CNTNAP5: variants seen among roughly 807,000 people sequenced by gnomAD.
CNTNAP5 encodes the protein contactin associated protein family member 5.
A neutral mutation model predicts 150.2 loss-of-function variants in CNTNAP5; 72 were observed. The ratio of observed to expected loss-of-function variants is 0.48; its 90% confidence interval spans 0.40 to 0.58. The LOEUF (loss-of-function observed/expected upper bound fraction) is 0.58, where lower values mean the gene tolerates loss of function less well. Ranked by LOEUF, CNTNAP5 falls within the 20% of genes least tolerant of loss-of-function variation. CNTNAP5 has a pLI of 0.00. For missense variants in CNTNAP5, 1,636 were observed against 1,626.2 expected, an observed-to-expected ratio of 1.01 and a Z score of -0.10; for synonymous variants, 672 against 619.8, an observed-to-expected ratio of 1.08 and a Z score of -1.25.
chr2:124,028,509 A>G (rs1269460018), intron 1 of CNTNAP5, among the ~76,000 whole-genome samples: 1 of 152,154 alleles, frequency 6.6e-6, no homozygotes, highest in Non-Finnish European at 1.5e-5. Flanking sequence ...GAACATAATT[A>G]CTTACCAGTA....
Position 124,527,367 on chromosome 2 carries a change from T to A in CNTNAP5, c.1560T>A (p.Asp520Glu). ...FQGCMRLIFI[D>E]NQPKDLISVQ... ...GCTGCATGAGGCTCATCTTTATTGA[T>A]AACCAGCCCAAGGACCTCATTTCAG... The change falls in exon 10 of 24, where the codon GAT becomes GAA. Residue 520 changes from aspartate to glutamate, a missense_variant. Physicochemically the swap from Asp to Glu is conservative, Grantham distance 45. Transcript: ENST00000682447. The A allele has an allele frequency of 6.2e-7, 1 of 1,613,628 alleles. No homozygotes were observed. Among genetic ancestry groups the A allele is most frequent in the South Asian group, 1.1e-5 (1 of 91,078 alleles).
intron 3 of CNTNAP5, among the ~76,000 whole-genome samples, chr2:124,314,666 T>A (rs1340564880): frequency 1.3e-5 from 2 of 152,146 alleles, no homozygotes; most frequent in Non-Finnish European, 2.9e-5. Flanking sequence ...ACAAAATATA[T>A]GAAAAAGAAA....
At chr2:124,850,517 A>G (rs1683133086) in intron 19 of CNTNAP5, among the ~76,000 whole-genome samples, 1 of 152,212 alleles carries the variant, frequency 6.6e-6, no homozygotes, top group Non-Finnish European at 1.5e-5. Flanking sequence ...CCTCCCCTTG[A>G]ACCATTAGAG....
chr2:124,653,039 C>A lies in CNTNAP5; in HGVS notation c.2077+5081C>A, dbSNP rs144821252. ...TTGCGGAGCAAATCAGTCATGGAAG[C>A]AAGATTGCCGTGAGGATTGTGTAAG... On this transcript the variant is annotated intron_variant, in intron 13 of 23. Transcript: ENST00000682447. 2.7e-3 allele frequency among the ~76,000 whole-genome samples: 404 copies of A among 152,264 alleles called. 1 individual carries two copies. The highest frequency in any genetic ancestry group is 4.1e-3 in the Non-Finnish European group (278 of 68,022).
intron 3 of CNTNAP5, among the ~76,000 whole-genome samples, chr2:124,293,946 A>G (rs1381258434): frequency 6.6e-6 from 1 of 152,128 alleles, no homozygotes; most frequent in Non-Finnish European, 1.5e-5. Context: ...GAATGTAGAT[A>G]TATAGGGACA....
chr2:124,486,146 T>C (rs1693875486), intron 7 of CNTNAP5, among the ~76,000 whole-genome samples: 1 of 152,196 alleles, frequency 6.6e-6, no homozygotes. Flanking sequence ...AATAATGGCA[T>C]GTGGAGAAAC....
chr2:124,460,876 T>C (rs1229008227), intron 6 of CNTNAP5, among the ~76,000 whole-genome samples: 1 of 152,114 alleles, frequency 6.6e-6, no homozygotes, highest in Non-Finnish European at 1.5e-5. Context: ...TTGTTTCCTT[T>C]GGAAATTCAG....
rs577663547 is a variant in CNTNAP5, at chr2:124,872,535, G to A, written c.3436+2773G>A. On this transcript the variant is annotated intron_variant, in intron 21 of 23. Transcript: ENST00000682447. ...TTTTTTTAACTTCTGCCAGGTGCCAGGAGGTACTACCAATTTAGGACAATT... is the reference window on the plus strand; with the variant it reads ...TTTTTTTAACTTCTGCCAGGTGCCAAGAGGTACTACCAATTTAGGACAATT... Among the ~76,000 whole-genome samples, 493 of 151,740 alleles carry A rather than the reference G, an allele frequency of 3.2e-3. 2 individuals carry two copies. The highest frequency in any genetic ancestry group is 4.8e-3 in the Non-Finnish European group (326 of 67,938).
chr2:124,744,727 G>A (rs1680568559), intron 13 of CNTNAP5, among the ~76,000 whole-genome samples: 1 of 152,086 alleles, frequency 6.6e-6, no homozygotes, highest in Non-Finnish European at 1.5e-5. Context: ...TTCAATTTCT[G>A]CAATGGCCAA....
intron 5 of CNTNAP5, among the ~76,000 whole-genome samples, chr2:124,439,236 T>C (rs1007281206): frequency 6.6e-6 from 1 of 152,074 alleles, no homozygotes; most frequent in Non-Finnish European, 1.5e-5. Context: ...TGGGATAAAA[T>C]GCATCACATT....
intron 3 of CNTNAP5, among the ~76,000 whole-genome samples, chr2:124,249,961 TTGTGTGTG>T (rs36078434): frequency 1.1e-4 from 13 of 118,704 alleles, no homozygotes; most frequent in East Asian, 2.6e-4. Flanking sequence ...ATGAATTCTT[TTGTGTGTG>T]TGTGTGTGTG....
intron 1 of CNTNAP5, among the ~76,000 whole-genome samples, chr2:124,094,864 G>GTC (rs1682898669): frequency 1.3e-5 from 2 of 152,130 alleles, no homozygotes; most frequent in Admixed American, 1.3e-4. Context: ...TTTGCCAGGG[G>GTC]TCAGTGTGAG....
intron 13 of CNTNAP5, among the ~76,000 whole-genome samples, chr2:124,741,772 A>G (rs1680501988): frequency 6.6e-6 from 1 of 152,140 alleles, no homozygotes; most frequent in East Asian, 1.9e-4. Flanking sequence ...CTCTGATTTA[A>G]CAAATGAAGA....
At chr2:124,085,592 T>G (rs1173333346) in intron 1 of CNTNAP5, among the ~76,000 whole-genome samples, 1 of 152,226 alleles carries the variant, frequency 6.6e-6, no homozygotes, top group Non-Finnish European at 1.5e-5. Flanking sequence ...GTTCTTGAGC[T>G]TGCAGCTTGG....
intron 12 of CNTNAP5, among the ~76,000 whole-genome samples, chr2:124,645,096 A>T (rs1472204587): frequency 1.3e-5 from 2 of 152,172 alleles, no homozygotes; most frequent in Non-Finnish European, 2.9e-5. Flanking sequence ...TCCCTCTACA[A>T]TGTTTCATTA....
chr2:124,674,194 A>G (rs1381411961), intron 13 of CNTNAP5, among the ~76,000 whole-genome samples: 1 of 152,084 alleles, frequency 6.6e-6, no homozygotes, highest in African/African-American at 2.4e-5. Flanking sequence ...ATTTTTCTCT[A>G]TAGTTTTACT....
chr2:124,406,788 A>G (rs917582777), intron 3 of CNTNAP5, among the ~76,000 whole-genome samples: 1 of 152,198 alleles, frequency 6.6e-6, no homozygotes, highest in Middle Eastern at 3.2e-3. Context: ...ATTAAACATT[A>G]GAACATATTT....
intron 11 of CNTNAP5, among the ~76,000 whole-genome samples, chr2:124,590,678 A>C (rs1346510134): frequency 2.6e-5 from 4 of 152,212 alleles, no homozygotes; most frequent in Non-Finnish European, 4.4e-5. Context: ...GTAACTAAAT[A>C]TGCAGTCATG....
intron 3 of CNTNAP5, among the ~76,000 whole-genome samples, chr2:124,322,023 G>A (rs977625724): frequency 3.9e-5 from 6 of 151,900 alleles, no homozygotes; most frequent in Non-Finnish European, 8.8e-5. Flanking sequence ...ATTGGCACCC[G>A]CCTATAATCC....
Sources: allele counts gnomAD v4.1 joint callset (sites outside exome capture counted in the v4.1 genomes callset), GRCh38; gene constraint gnomAD v4.1.1; transcripts MANE v1.5; gene names NCBI Gene and HGNC (gene_info 2026-07-23, HGNC 2026-07-21).